Variants in GPM6A observed in about 807,000 individuals in gnomAD.
GPM6A encodes glycoprotein M6A.
GPM6A carries 7 observed loss-of-function variants against 32.1 expected under a neutral mutation model. The ratio of observed to expected loss-of-function variants is 0.22; its 90% CI spans 0.12 to 0.41. GPM6A has a LOEUF of 0.41. Among genes scored for constraint, GPM6A ranks in the 10% least tolerant of loss-of-function variants. The pLI, the probability that GPM6A is intolerant of heterozygous loss-of-function variation, is 1.00. For missense variants in GPM6A, 235 were observed against 347.2 expected, an observed-to-expected ratio of 0.68 and a Z score of 2.57; for synonymous variants, 130 against 123.4, an observed-to-expected ratio of 1.05 and a Z score of -0.35.
intron 1 of GPM6A, among the ~76,000 whole-genome samples, chr4:175,949,647 T>A (rs1320200023): frequency 6.6e-6 from 1 of 152,188 alleles, no homozygotes; most frequent in Non-Finnish European, 1.5e-5. Context: ...AAGAGCTAAC[T>A]TTAGTAAAGA....
chr4:175,965,596 A>G (rs1430009739), intron 1 of GPM6A, among the ~76,000 whole-genome samples: 1 of 151,682 alleles, frequency 6.6e-6, no homozygotes, highest in Non-Finnish European at 1.5e-5. Flanking sequence ...TCAGAAATGA[A>G]AGAGGGACTA....
chr4:175,896,590 C>G (rs1241401468), intron 1 of GPM6A, among the ~76,000 whole-genome samples: 1 of 152,058 alleles, frequency 6.6e-6, no homozygotes, highest in Non-Finnish European at 1.5e-5. Context: ...ATTCAAAAAG[C>G]CTTTAACTCC....
chr4:175,676,841 A>C (rs554623180), intron 2 of GPM6A, among the ~76,000 whole-genome samples: 49 of 152,324 alleles, frequency 3.2e-4, no homozygotes, highest in Non-Finnish European at 6.5e-4. Context: ...GAATAAGATA[A>C]GTGTCTATCA....
chr4:175,677,917 CAA>C (rs370800193), intron 2 of GPM6A, among the ~76,000 whole-genome samples: 1 of 152,062 alleles, frequency 6.6e-6, no homozygotes, highest in Non-Finnish European at 1.5e-5. Context: ...AACAATCGAG[CAA>C]AAAAGTTTTA....
chr4:175,845,938 A>G (rs1221858732), intron 1 of GPM6A, among the ~76,000 whole-genome samples: 1 of 152,078 alleles, frequency 6.6e-6, no homozygotes, highest in Non-Finnish European at 1.5e-5. Context: ...ACCTTTTGTC[A>G]TACTTAAAAG....
At chr4:175,844,524 A>G (rs894605316) in intron 1 of GPM6A, among the ~76,000 whole-genome samples, 6 of 152,192 alleles carry the variant, frequency 3.9e-5, no homozygotes, top group Admixed American at 2.0e-4. Context: ...TTAGGTTTCA[A>G]TAATAGAACA....
intron 1 of GPM6A, among the ~76,000 whole-genome samples, chr4:175,902,263 T>C (rs1331831924): frequency 6.6e-6 from 1 of 152,186 alleles, no homozygotes; most frequent in Non-Finnish European, 1.5e-5. Flanking sequence ...GGTTATGATA[T>C]GGGAGCTAAA....
intron 1 of GPM6A, among the ~76,000 whole-genome samples, chr4:175,999,659 G>A (rs1579699696): frequency 2.0e-5 from 3 of 152,112 alleles, no homozygotes; most frequent in South Asian, 4.2e-4. Context: ...TAAGACAAAT[G>A]AGAATTGATT....
rs11934597 is a variant in GPM6A, at chr4:175,666,240, C to T, written c.387+7440G>A. Among the ~76,000 whole-genome samples the T allele has an allele frequency of 2.2e-3, 338 of 152,106 alleles. 3 individuals carry two copies. The highest frequency in any genetic ancestry group is 7.4e-3 in the African/African-American group (308 of 41,522). On this transcript the variant is annotated intron_variant, in intron 3 of 6. Transcript: ENST00000393658. ...CGGACTGAGAAATGTACTTTTGACCCGTGTTCCCAATACAATAATGCTAGT... is the reference window on the plus strand; with the variant it reads ...CGGACTGAGAAATGTACTTTTGACCTGTGTTCCCAATACAATAATGCTAGT...
At chr4:175,700,349 A>G (rs1744809406) in intron 2 of GPM6A, among the ~76,000 whole-genome samples, 1 of 152,206 alleles carries the variant, frequency 6.6e-6, no homozygotes, top group Non-Finnish European at 1.5e-5. Flanking sequence ...AAATTTAGCA[A>G]TATGATATAT....
intron 1 of GPM6A, among the ~76,000 whole-genome samples, chr4:175,914,798 A>T (rs1220349214): frequency 6.6e-6 from 1 of 152,166 alleles, no homozygotes; most frequent in Admixed American, 6.5e-5. Flanking sequence ...GTTTAAGAAC[A>T]AAAGGAAAGG....
chr4:175,913,776 T>C (rs906610686), intron 1 of GPM6A, among the ~76,000 whole-genome samples: 1 of 152,148 alleles, frequency 6.6e-6, no homozygotes, highest in African/African-American at 2.4e-5. Flanking sequence ...GACCACTATA[T>C]TTAGGATTGT....
At chr4:175,737,623 A>G (rs985169209) in intron 1 of GPM6A, among the ~76,000 whole-genome samples, 1 of 152,242 alleles carries the variant, frequency 6.6e-6, no homozygotes, top group Non-Finnish European at 1.5e-5. Context: ...ATGAACAATA[A>G]TTGAATACTT....
At chr4:175,855,088 T>G (rs1736376954) in intron 1 of GPM6A, among the ~76,000 whole-genome samples, 1 of 152,114 alleles carries the variant, frequency 6.6e-6, no homozygotes, top group African/African-American at 2.4e-5. Flanking sequence ...ATCCAAGTAA[T>G]TAACTGCATC....
At chr4:175,827,525 C>A (rs183890204) in intron 1 of GPM6A, among the ~76,000 whole-genome samples, 3 of 152,312 alleles carry the variant, frequency 2.0e-5, no homozygotes, top group South Asian at 2.1e-4. Flanking sequence ...CTTAAACCTG[C>A]GCTCTTCATC....
At chr4:175,916,364 C>T (rs1002029217) in intron 1 of GPM6A, among the ~76,000 whole-genome samples, 8 of 152,220 alleles carry the variant, frequency 5.3e-5, no homozygotes, top group Admixed American at 4.6e-4. Flanking sequence ...CTAACGTATA[C>T]AAGCTACTTA....
chr4:175,887,017 C>G (rs1382896204), intron 1 of GPM6A, among the ~76,000 whole-genome samples: 1 of 151,718 alleles, frequency 6.6e-6, no homozygotes, highest in Non-Finnish European at 1.5e-5. Context: ...AAATTAATAT[C>G]ACAACAAAAT....
intron 1 of GPM6A, among the ~76,000 whole-genome samples, chr4:175,789,553 A>G (rs954995600): frequency 2.6e-5 from 4 of 152,154 alleles, no homozygotes; most frequent in Non-Finnish European, 5.9e-5. Flanking sequence ...ATGTCTTCTG[A>G]GGTATGAGAA....
chr4:175,749,211 A>T (rs928531184), intron 1 of GPM6A, among the ~76,000 whole-genome samples: 3 of 151,908 alleles, frequency 2.0e-5, no homozygotes, highest in Admixed American at 1.3e-4. Context: ...GCCAAAAAAA[A>T]GGTAATGGCA....
Sources: gnomAD v4.1 joint callset for allele counts (sites outside exome capture counted in the v4.1 genomes callset) on GRCh38, gnomAD v4.1.1 for gene constraint, MANE v1.5 for transcripts, NCBI Gene and HGNC (gene_info 2026-07-23, HGNC 2026-07-21) for gene names.